The following PPFIBP1 variants were observed in gnomAD, a reference collection of about 807,000 sequenced individuals.
PPFIBP1 encodes PPFIB scaffold protein 1.
A neutral mutation model predicts 137.8 loss-of-function variants in PPFIBP1; 112 were observed. The ratio of observed to expected loss-of-function variants is 0.81; its 90% confidence interval spans 0.70 to 0.95. The LOEUF (loss-of-function observed/expected upper bound fraction) is 0.95. PPFIBP1 is among the 40% of genes least tolerant of loss of function. PPFIBP1 has a pLI of 0.00. For synonymous variants in PPFIBP1, 378 were observed against 417.3 expected, an observed-to-expected ratio of 0.91 and a Z score of 1.15; for missense variants, 1,083 against 1,196.6, an observed-to-expected ratio of 0.91 and a Z score of 1.40.
intron 2 of PPFIBP1, among the ~76,000 whole-genome samples, chr12:27,589,941 G>A (rs1313209822): frequency 1.3e-5 from 2 of 152,120 alleles, no homozygotes; most frequent in African/African-American, 4.8e-5. Context: ...TTGATAGGTT[G>A]CCATCTCACT....
At chr12:27,680,164 T>A in intron 21 of PPFIBP1, 103 bp downstream of exon 21, 1 of 1,446,100 alleles carries the variant, frequency 6.9e-7, no homozygotes. Context: ...AAGTCATTGC[T>A]TAATGCTGTG....
chr12:27,594,204 G>C (rs2052909368), intron 2 of PPFIBP1, among the ~76,000 whole-genome samples: 1 of 131,252 alleles, frequency 7.6e-6, no homozygotes, highest in African/African-American at 3.0e-5. Context: ...TTGAGATGGA[G>C]TCTCACTCTG....
rs187749861 is a variant in PPFIBP1, at chr12:27,673,592, A to G, written c.1320-175A>G. The stretch of plus-strand genomic sequence containing the variant: ...AGGACAGTTAATCACCCCTGCTTTT[A>G]AAAGAACTAAATGTTGTCATTTAGT... On this transcript the variant is annotated intron_variant, in intron 15 of 29. Transcript: ENST00000228425. 2.0e-3 allele frequency among the ~76,000 whole-genome samples: 302 copies of G among 152,304 alleles called. 2 individuals carry two copies. Among genetic ancestry groups the G allele is most frequent in the African/African-American group, 7.0e-3 (293 of 41,568 alleles).
At chr12:27,688,899 G>A in intron 26 of PPFIBP1, 116 bp from the exon 27 acceptor site, 1 of 959,566 alleles carries the variant, frequency 1.0e-6, no homozygotes, top group Non-Finnish European at 1.5e-6. Flanking sequence ...TCACCGGGCT[G>A]TTGAGAGGAT....
At chr12:27,634,613 A>G (rs1050588184) in intron 3 of PPFIBP1, among the ~76,000 whole-genome samples, 6 of 152,078 alleles carry the variant, frequency 3.9e-5, no homozygotes, top group Non-Finnish European at 7.4e-5. Context: ...TTTCTTATCC[A>G]TCATCTTCAT....
intron 2 of PPFIBP1, among the ~76,000 whole-genome samples, chr12:27,621,486 A>C (rs962278706): frequency 9.2e-5 from 14 of 152,242 alleles, no homozygotes; most frequent in African/African-American, 3.4e-4. Flanking sequence ...CAAATTTTCC[A>C]TATGTCTCTT....
chr12:27,600,440 A>C (rs2053850573), intron 2 of PPFIBP1, among the ~76,000 whole-genome samples: 1 of 152,012 alleles, frequency 6.6e-6, no homozygotes, highest in Non-Finnish European at 1.5e-5. Flanking sequence ...CCGTCTCAAA[A>C]AAAAAAAAAA....
At chr12:27,602,233 A>G (rs1313001851) in intron 2 of PPFIBP1, among the ~76,000 whole-genome samples, 1 of 152,204 alleles carries the variant, frequency 6.6e-6, no homozygotes, top group Non-Finnish European at 1.5e-5. Context: ...AACAGGACTG[A>G]AGAGAGTCTT....
Position 27,646,149 on chromosome 12 carries a change from G to A in PPFIBP1, c.357+1G>A, listed in dbSNP as rs1348669858. 1.3e-6 allele frequency: 2 copies of A among 1,599,766 alleles called. No homozygotes were observed. The highest frequency in any genetic ancestry group is 1.3e-5 in the African/African-American group (1 of 74,574). ...TGATAAAGAATCCCTCGTTCTTCAGGCAAGTGATTTTTAAATACTGTTCTT... is the reference window on the plus strand; with the variant it reads ...TGATAAAGAATCCCTCGTTCTTCAGACAAGTGATTTTTAAATACTGTTCTT... On this transcript the variant is annotated splice_donor_variant, in intron 5 of 29. Coordinates refer to ENST00000228425, the MANE Select transcript of PPFIBP1 (RefSeq NM_003622.4). LOFTEE classifies it high-confidence loss of function.
At chr12:27,536,675 C>A (rs1945056462) in intron 1 of PPFIBP1, among the ~76,000 whole-genome samples, 1 of 152,196 alleles carries the variant, frequency 6.6e-6, no homozygotes, top group Admixed American at 6.5e-5. Context: ...GCCAAACATC[C>A]AAATCATATC....
chr12:27,592,427 T>C, intron 2 of PPFIBP1: 1 of 759,948 alleles, frequency 1.3e-6, no homozygotes, highest in Non-Finnish European at 2.1e-6. Flanking sequence ...TATGGATTAT[T>C]TTCAACTTTC....
intron 4 of PPFIBP1, among the ~76,000 whole-genome samples, chr12:27,639,241 A>C (rs1342800145): frequency 6.6e-6 from 1 of 152,204 alleles, no homozygotes; most frequent in Non-Finnish European, 1.5e-5. Flanking sequence ...AGACTATGAC[A>C]TATTTGTTTA....
At position 27,672,315 on chromosome 12, in the gene PPFIBP1, A is replaced by T. The variant is rs1057090497; in HGVS notation, c.1263-112A>T. On this transcript the variant is annotated intron_variant, in intron 14 of 29. Coordinates refer to ENST00000228425, the MANE Select transcript of PPFIBP1 (RefSeq NM_003622.4). Reference sequence around the variant, plus strand: ...AATAAAATAGGACATTTAAAAAAATAGAAATAGCTTCCTTTGCATAATTTT... The same window carrying T: ...AATAAAATAGGACATTTAAAAAAATTGAAATAGCTTCCTTTGCATAATTTT... The T allele has an allele frequency of 6.5e-5, 52 of 798,608 alleles. No homozygotes were observed. The South Asian group carries it at 8.3e-4, about 13-fold the overall frequency. 49.5% of individuals were successfully genotyped at this position (798,608 alleles called of 1,614,324 possible). A position where few individuals can be genotyped will look rare whatever the true frequency, so the allele number is the denominator to read the frequency against.
chr12:27,631,686 G>A (rs1315892354), intron 2 of PPFIBP1, among the ~76,000 whole-genome samples: 1 of 152,114 alleles, frequency 6.6e-6, no homozygotes, highest in South Asian at 2.1e-4. Context: ...TCATATAATA[G>A]CATTTGAAAG....
rs118098266 is a variant in PPFIBP1 at position 27,545,631 on chromosome 12, C to T, written c.-124+21266C>T. 5.8e-3 allele frequency among the ~76,000 whole-genome samples: 877 copies of T among 152,326 alleles called. 2 individuals carry two copies. The highest frequency in any genetic ancestry group is 0.031 in the South Asian group (150 of 4,828). On this transcript the variant is annotated intron_variant, in intron 1 of 29. Transcript: ENST00000228425. ...CTACCTGAGGCAGAGAGATGCTTGC[C>T]TGTGTTCCTGAAGCATAGAAATCTC...
rs760031067 is a variant in PPFIBP1 at position 27,680,020 on chromosome 12, G to C, written c.1854G>C (p.Gly618=). ...FKRGGTRATA[G]PRLGWSRDLG... is the part of the protein sequence containing the mutation. ...GAGGAGGGACAAGGGCAACCGCGGGGCCCCGATTAGGTTGGTCTCGAGACT... is the reference window on the plus strand; with the variant it reads ...GAGGAGGGACAAGGGCAACCGCGGGCCCCCGATTAGGTTGGTCTCGAGACT... The change falls in exon 21 of 30, where the codon GGG becomes GGC. Residue 618 remains glycine, a synonymous_variant. Coordinates refer to ENST00000228425, the MANE Select transcript of PPFIBP1 (RefSeq NM_003622.4). The C allele has an allele frequency of 6.2e-7, 1 of 1,614,094 alleles. No individual in the cohort carries two copies. Among genetic ancestry groups the C allele is most frequent in the South Asian group, 1.1e-5 (1 of 91,062 alleles).
intron 25 of PPFIBP1, 24 bp downstream of exon 25, chr12:27,687,531 A>G (rs752908878): frequency 1.4e-5 from 23 of 1,611,276 alleles, no homozygotes; most frequent in Non-Finnish European, 1.9e-5. Flanking sequence ...ATTGAGGTTT[A>G]TAAGCATGCA....
intron 11 of PPFIBP1, among the ~76,000 whole-genome samples, chr12:27,661,715 A>G (rs1373409484): frequency 1.3e-5 from 2 of 152,216 alleles, no homozygotes; most frequent in Non-Finnish European, 2.9e-5. Context: ...GAAGTAAAAA[A>G]CAACAAAAAG....
intron 1 of PPFIBP1, among the ~76,000 whole-genome samples, chr12:27,535,894 T>G (rs1209235049): frequency 6.6e-6 from 1 of 152,222 alleles, no homozygotes; most frequent in African/African-American, 2.4e-5. Context: ...AATGAAAGAC[T>G]GAAAGGAGAA....
Sources: gnomAD v4.1 joint callset for allele counts (sites outside exome capture counted in the v4.1 genomes callset) on GRCh38, gnomAD v4.1.1 for gene constraint, MANE v1.5 for transcripts, NCBI Gene and HGNC (gene_info 2026-07-23, HGNC 2026-07-21) for gene names.